The following ABCC1 variants were observed in gnomAD, a reference collection of about 807,000 sequenced individuals.
ABCC1 encodes the protein multidrug resistance-associated protein 1.
ABCC1 carries 83 observed loss-of-function variants against 172.9 expected under a neutral mutation model. The ratio of observed to expected loss-of-function variants is 0.48; its 90% CI spans 0.40 to 0.58. The LOEUF (loss-of-function observed/expected upper bound fraction) is 0.58. ABCC1 is among the 20% of genes least tolerant of loss of function. The probability of loss-of-function intolerance (pLI) is 0.00; values close to 1 mark genes in which losing one functional copy is unlikely to be tolerated. For missense variants in ABCC1, 1,817 were observed against 2,002.7 expected, an observed-to-expected ratio of 0.91 and a Z score of 1.77; for synonymous variants, 937 against 825.2, an observed-to-expected ratio of 1.14 and a Z score of -2.32.
intron 1 of ABCC1, among the ~76,000 whole-genome samples, chr16:15,950,634 T>G (rs929277867): frequency 6.6e-6 from 1 of 152,200 alleles, no homozygotes; most frequent in Non-Finnish European, 1.5e-5. Flanking sequence ...TAAGCCCCAG[T>G]CTTTTGGGCT....
chr16:16,102,858 C>G, intron 20 of ABCC1, 141 bp downstream of exon 20: 1 of 779,662 alleles, frequency 1.3e-6, no homozygotes. Flanking sequence ...CCTCCAAGGA[C>G]CTTGCTTTTC....
In ABCC1 at chr16:15,949,805, T is replaced by C. The variant is rs2045822454; in HGVS notation, c.48+6T>C. The stretch of plus-strand genomic sequence containing the variant: ...ATGGCTCCGACCCGCTCTGGGTACG[T>C]GCCGGGGGCCGCGTGAGGCCGGCGG... On this transcript the variant is annotated splice_donor_region_variant and intron_variant, in intron 1 of 30. Transcript: ENST00000399410. 5 of 1,194,378 alleles carry C rather than the reference T, an allele frequency of 4.2e-6. No individual in the cohort carries two copies. The highest frequency in any genetic ancestry group is 5.2e-6 in the Non-Finnish European group (5 of 963,838). The allele number at this position is 1,194,378 out of a possible 1,614,324, so 74.0% of individuals were successfully genotyped here. A position where few individuals can be genotyped will look rare whatever the true frequency, so the allele number is the denominator to read the frequency against.
At chr16:16,071,007 C>T (rs1249544864) in intron 13 of ABCC1, among the ~76,000 whole-genome samples, 1 of 152,152 alleles carries the variant, frequency 6.6e-6, no homozygotes, top group African/African-American at 2.4e-5. Flanking sequence ...TTTGAATTGG[C>T]TCTGTTGCAT....
intron 29 of ABCC1, among the ~76,000 whole-genome samples, 181 bp from the exon 30 acceptor site, chr16:16,138,183 T>C (rs1468107239): frequency 6.6e-6 from 1 of 152,148 alleles, no homozygotes; most frequent in Non-Finnish European, 1.5e-5. Flanking sequence ...TCTTGCTGAA[T>C]AGGAGATGTG....
intron 12 of ABCC1, among the ~76,000 whole-genome samples, chr16:16,061,312 C>G (rs2049900282): frequency 6.6e-6 from 1 of 152,236 alleles, no homozygotes; most frequent in Non-Finnish European, 1.5e-5. Context: ...TACAGCCGGA[C>G]TTCGCACGTG....
intron 24 of ABCC1, among the ~76,000 whole-genome samples, chr16:16,123,692 A>C (rs746386289): frequency 5.9e-5 from 9 of 152,140 alleles, no homozygotes; most frequent in Non-Finnish European, 1.2e-4. Context: ...CTGATGGTAC[A>C]TGATACCATA....
At chr16:16,048,672 A>G (rs1183348761) in intron 10 of ABCC1, among the ~76,000 whole-genome samples, 4 of 152,146 alleles carry the variant, frequency 2.6e-5, no homozygotes, top group Non-Finnish European at 5.9e-5. Context: ...CTCAATTGCA[A>G]GGGATATAAA....
Position 15,954,991 on chromosome 16 carries a change from C to T in ABCC1, c.48+5192C>T, listed in dbSNP as rs77690265. Among the ~76,000 whole-genome samples, 253 of 152,258 alleles carry T rather than the reference C, an allele frequency of 1.7e-3. 7 individuals are homozygous for T. In the East Asian group the frequency reaches 0.04, roughly 24 times the overall value. ...AAATCGTGTTGCCCGTTGCCTCAAA[C>T]GGGCTGCTTTTCATGGCTTCCCCGA... is the stretch of plus-strand genomic sequence containing the variant. On this transcript the variant is annotated intron_variant, in intron 1 of 30. Transcript: ENST00000399410.
intron 23 of ABCC1, among the ~76,000 whole-genome samples, chr16:16,118,243 A>G (rs976687214): frequency 2.0e-5 from 3 of 152,112 alleles, no homozygotes; most frequent in Admixed American, 2.0e-4. Flanking sequence ...GAGGCTCACC[A>G]TATCTCAAAC....
At position 16,122,122 on chromosome 16, in the gene ABCC1, C is replaced by G. The variant is rs2152113572; in HGVS notation, c.3538C>G (p.Leu1180Val). Residue 1180 changes from leucine (L) to valine (V), a missense_variant, in exon 24 of 31, where the codon CTG (leucine) becomes GTG (valine). Physicochemically the swap from Leu to Val is conservative, Grantham distance 32. This residue lies in a region of ABCC1 where 1,412 missense variants were observed against 1,600.3 expected (regional missense o/e 0.88). Coordinates refer to ENST00000399410, the MANE Select transcript of ABCC1 (RefSeq NM_004996.4). ...EQERFIHQSD[L>V]KVDENQKAYY... The stretch of plus-strand genomic sequence containing the variant: ...GGAGCGCTTCATCCACCAGAGTGAC[C>G]TGAAGGTGGACGAGAACCAGAAGGC... The G allele has an allele frequency of 6.2e-7, 1 of 1,614,190 alleles. No individual in the cohort carries two copies. Among genetic ancestry groups the G allele is most frequent in the East Asian group, 2.2e-5 (1 of 44,878 alleles).
intron 5 of ABCC1, among the ~76,000 whole-genome samples, chr16:16,019,155 A>G (rs2048109893): frequency 6.6e-6 from 1 of 152,010 alleles, no homozygotes; most frequent in African/African-American, 2.4e-5. Flanking sequence ...CCCAGGCTAG[A>G]GTGCAGTGGC....
intron 1 of ABCC1, among the ~76,000 whole-genome samples, chr16:15,971,817 A>C (rs1435891106): frequency 6.6e-6 from 1 of 152,166 alleles, no homozygotes; most frequent in East Asian, 1.9e-4. Context: ...GTGGGGGAAC[A>C]CCAGGGTTCT....
chr16:16,112,644 C>G (rs45499397), intron 22 of ABCC1, among the ~76,000 whole-genome samples: 4,247 of 152,298 alleles, frequency 0.028, 78 homozygotes, highest in Middle Eastern at 0.044. Context: ...TACATGGCAG[C>G]ATTGGCATTG....
At position 16,051,446 on chromosome 16, in the gene ABCC1, T is replaced by A. The variant is rs754254441; in HGVS notation, c.1381-1278T>A. On this transcript the variant is annotated intron_variant, in intron 10 of 30. Transcript: ENST00000399410. ...CTTTGGCCTCCCAAAGTGATGGGAT[T>A]ACAGGTGTCAGTCACTGCACCTGGC... is the stretch of plus-strand genomic sequence containing the variant. Among the ~76,000 whole-genome samples the A allele has an allele frequency of 1.8e-4, 27 of 152,128 alleles. 1 individual carries two copies. Among genetic ancestry groups the A allele is most frequent in the Non-Finnish European group, 3.7e-4 (25 of 68,034 alleles).
rs1331248085 is a variant in ABCC1 at position 16,138,456 on chromosome 16, T to G, written c.4385T>G (p.Leu1462Arg). 1.9e-6 allele frequency: 3 copies of G among 1,613,280 alleles called. No individual in the cohort carries two copies. In the Admixed American group the frequency reaches 5.0e-5, roughly 27 times the overall value. Residue 1462 changes from leucine to arginine, a missense_variant, in exon 30 of 31, where the codon CTG becomes CGG. Leu to Arg is a moderately radical substitution (Grantham distance 102). Transcript: ENST00000399410. ...VLDEATAAVD[L>R]ETDDLIQSTI... ...GATGAGGCCACGGCAGCCGTGGACCTGGAAACGGACGACCTCATCCAGTCC... is the reference window on the plus strand; with the variant it reads ...GATGAGGCCACGGCAGCCGTGGACCGGGAAACGGACGACCTCATCCAGTCC...
At chr16:15,956,083 A>G (rs2045991520) in intron 1 of ABCC1, among the ~76,000 whole-genome samples, 1 of 152,164 alleles carries the variant, frequency 6.6e-6, no homozygotes, top group Non-Finnish European at 1.5e-5. Context: ...GCCCATCTCT[A>G]CAAAAATTAG....
chr16:16,132,361 T>G (rs1485601082), intron 27 of ABCC1, among the ~76,000 whole-genome samples: 1 of 150,334 alleles, frequency 6.7e-6, no homozygotes, highest in Non-Finnish European at 1.5e-5. Context: ...TTTGTAGAGA[T>G]GGGGGTCCTA....
chr16:16,100,715 AC>A (rs1174289766), intron 19 of ABCC1, among the ~76,000 whole-genome samples: 4 of 152,228 alleles, frequency 2.6e-5, no homozygotes, highest in Non-Finnish European at 5.9e-5. Flanking sequence ...AATAAGCAAC[AC>A]GGGGGTCGCC....
intron 6 of ABCC1, among the ~76,000 whole-genome samples, chr16:16,035,886 G>A (rs2048735889): frequency 1.3e-5 from 2 of 151,776 alleles, no homozygotes; most frequent in African/African-American, 4.8e-5. Flanking sequence ...GGCCAAGGTG[G>A]GAGGGTTGCT....
Sources: gnomAD v4.1 joint callset for allele counts (sites outside exome capture counted in the v4.1 genomes callset) on GRCh38, gnomAD v4.1.1 for gene constraint, gnomAD v4.1.1 regional missense constraint, MANE v1.5 for transcripts, NCBI Gene and HGNC (gene_info 2026-07-23, HGNC 2026-07-21) for gene names.